The following LRRC4C variants were observed in gnomAD, a reference collection of about 807,000 sequenced individuals.
The protein encoded by LRRC4C is leucine-rich repeat-containing protein 4C.
LRRC4C carries 5 observed loss-of-function variants against 33.6 expected under a neutral mutation model. The ratio of observed to expected loss-of-function variants is 0.15; its 90% CI spans 0.08 to 0.31. The LOEUF (loss-of-function observed/expected upper bound fraction) is 0.31, where lower values mean the gene tolerates loss of function less well. Ranked by LOEUF, LRRC4C falls within the 10% of genes least tolerant of loss-of-function variation. The probability of loss-of-function intolerance (pLI) is 1.00; values close to 1 mark genes in which losing one functional copy is unlikely to be tolerated. For synonymous variants in LRRC4C, 329 were observed against 302.0 expected, an observed-to-expected ratio of 1.09 and a Z score of -0.93; for missense variants, 560 against 796.7, an observed-to-expected ratio of 0.70 and a Z score of 3.58.
chr11:40,629,314 C>A (rs1376032054), intron 3 of LRRC4C, among the ~76,000 whole-genome samples: 2 of 152,064 alleles, frequency 1.3e-5, no homozygotes, highest in African/African-American at 4.8e-5. Flanking sequence ...GCTTACTGGG[C>A]TGTTTTGTAA....
intron 6 of LRRC4C, among the ~76,000 whole-genome samples, chr11:40,139,294 A>G (rs1007197083): frequency 2.0e-5 from 3 of 152,182 alleles, no homozygotes; most frequent in African/African-American, 4.8e-5. Context: ...AAACCCCTTA[A>G]GTTAGGAGTG....
At chr11:41,144,960 T>A (rs1003622654) in intron 1 of LRRC4C, among the ~76,000 whole-genome samples, 6 of 152,198 alleles carry the variant, frequency 3.9e-5, no homozygotes, top group African/African-American at 1.4e-4. Flanking sequence ...TCTGCCTCTG[T>A]TGTTTGCAAA....
intron 1 of LRRC4C, among the ~76,000 whole-genome samples, chr11:41,394,258 T>A (rs1207163042): frequency 1.3e-5 from 2 of 151,936 alleles, no homozygotes; most frequent in Non-Finnish European, 2.9e-5. Context: ...AAATTTGCAG[T>A]CCATTTCTAG....
At chr11:41,418,036 A>G (rs1954750806) in intron 1 of LRRC4C, among the ~76,000 whole-genome samples, 1 of 151,790 alleles carries the variant, frequency 6.6e-6, no homozygotes, top group Non-Finnish European at 1.5e-5. Flanking sequence ...ATGCTGGATC[A>G]TAGCTCTTAA....
chr11:40,311,242 C>T (rs1229367586), intron 4 of LRRC4C, among the ~76,000 whole-genome samples: 3 of 152,136 alleles, frequency 2.0e-5, no homozygotes, highest in Non-Finnish European at 2.9e-5. Flanking sequence ...TATGGGCAAG[C>T]GTATCTATCT....
chr11:40,584,716 G>A (rs568267640), intron 3 of LRRC4C, among the ~76,000 whole-genome samples: 2 of 152,120 alleles, frequency 1.3e-5, no homozygotes, highest in East Asian at 3.9e-4. Context: ...TGGATCAGCT[G>A]AGGTCAGGAG....
At chr11:40,341,986 T>C (rs1023610178) in intron 3 of LRRC4C, among the ~76,000 whole-genome samples, 4 of 139,168 alleles carry the variant, frequency 2.9e-5, no homozygotes, top group Non-Finnish European at 6.2e-5. Context: ...ATTATGTTAC[T>C]GGCACTTTTC....
chr11:41,404,869 T>C (rs896197012), intron 1 of LRRC4C, among the ~76,000 whole-genome samples: 1 of 152,128 alleles, frequency 6.6e-6, no homozygotes, highest in East Asian at 1.9e-4. Flanking sequence ...TTCACTGTTA[T>C]ATGAAATATG....
chr11:40,436,517 A>T (rs142447221), intron 3 of LRRC4C, among the ~76,000 whole-genome samples: 1 of 152,320 alleles, frequency 6.6e-6, no homozygotes, highest in African/African-American at 2.4e-5. Flanking sequence ...GGCAAGGGTT[A>T]GTTGAACAGA....
At chr11:40,419,919 T>C (rs1171609728) in intron 3 of LRRC4C, among the ~76,000 whole-genome samples, 1 of 152,166 alleles carries the variant, frequency 6.6e-6, no homozygotes, top group Non-Finnish European at 1.5e-5. Context: ...AGATATTTGG[T>C]GAACTTCTGA....
chr11:40,372,666 G>A (rs2137272098), intron 3 of LRRC4C, among the ~76,000 whole-genome samples: 1 of 152,282 alleles, frequency 6.6e-6, no homozygotes. Context: ...TCTACATGAT[G>A]CTATGCCTGG....
intron 1 of LRRC4C, among the ~76,000 whole-genome samples, chr11:40,979,298 G>T (rs375813): frequency 1.3e-5 from 2 of 151,982 alleles, no homozygotes; most frequent in African/African-American, 2.4e-5. Flanking sequence ...AAACTCTAGG[G>T]CCTAATATAT....
chr11:40,802,960 G>A (rs142394869), intron 2 of LRRC4C, among the ~76,000 whole-genome samples: 335 of 152,268 alleles, frequency 2.2e-3, no homozygotes, highest in Non-Finnish European at 4.0e-3. Context: ...AACCTTGCAA[G>A]AGAAAAGGCA....
At chr11:41,282,854 C>A (rs1169278756) in intron 1 of LRRC4C, among the ~76,000 whole-genome samples, 1 of 152,142 alleles carries the variant, frequency 6.6e-6, no homozygotes, top group African/African-American at 2.4e-5. Flanking sequence ...CAGCCCTCAG[C>A]CTGTCTTTTC....
intron 3 of LRRC4C, among the ~76,000 whole-genome samples, chr11:40,487,318 G>A (rs1408122830): frequency 6.6e-6 from 1 of 152,044 alleles, no homozygotes; most frequent in Non-Finnish European, 1.5e-5. Context: ...TTCCTCTTCA[G>A]ACTCTTGTGG....
chr11:41,034,181 C>A (rs920454920), intron 1 of LRRC4C, among the ~76,000 whole-genome samples: 38 of 152,046 alleles, frequency 2.5e-4, no homozygotes, highest in African/African-American at 8.9e-4. Flanking sequence ...ATCATAGGAA[C>A]AAGTCTTTAT....
intron 2 of LRRC4C, among the ~76,000 whole-genome samples, chr11:40,682,434 T>C (rs1251888497): frequency 6.6e-6 from 1 of 152,166 alleles, no homozygotes; most frequent in Non-Finnish European, 1.5e-5. Context: ...ACCAACAGTA[T>C]GGGCCTTAAG....
In LRRC4C at chr11:40,609,155, C is replaced by T. The variant is rs1048986789; in HGVS notation, c.-270+38987G>A. Among the ~76,000 whole-genome samples the T allele has an allele frequency of 5.3e-5, 8 of 151,970 alleles. No homozygotes were observed. The East Asian group carries it at 5.8e-4, about 11-fold the overall frequency. ...GGCACATAGAATATTCTTCAGGATA[C>T]GTCATATGTTAGCTCACAAAAAAGT... On this transcript the variant is annotated intron_variant, in intron 3 of 6. Transcript: ENST00000528697.
At chr11:41,024,811 A>G (rs1856228621) in intron 1 of LRRC4C, among the ~76,000 whole-genome samples, 1 of 151,720 alleles carries the variant, frequency 6.6e-6, no homozygotes, top group African/African-American at 2.4e-5. Flanking sequence ...TGGAAAGTCT[A>G]TGGCAACCCT....
Sources: allele counts gnomAD v4.1 joint callset (sites outside exome capture counted in the v4.1 genomes callset), GRCh38; gene constraint gnomAD v4.1.1; transcripts MANE v1.5; gene names NCBI Gene and HGNC (gene_info 2026-07-23, HGNC 2026-07-21).